Variants in BRINP1 observed in about 807,000 individuals in gnomAD.
The protein encoded by BRINP1 is BMP/retinoic acid-inducible neural-specific protein 1.
BRINP1 carries 17 observed loss-of-function variants against 72.9 expected under a neutral mutation model. The ratio of observed to expected loss-of-function variants is 0.23; its 90% CI spans 0.16 to 0.35. The LOEUF (loss-of-function observed/expected upper bound fraction) is 0.35, where lower values mean the gene tolerates loss of function less well. BRINP1 is among the 10% of genes least tolerant of loss of function. BRINP1 has a pLI of 1.00. For missense variants in BRINP1, 850 were observed against 1,001.6 expected (o/e 0.85, Z 2.04); for synonymous variants, 418 against 378.5 (o/e 1.10, Z -1.21).
chr9:119,299,231 A>T (rs1032969460), intron 2 of BRINP1, among the ~76,000 whole-genome samples: 1 of 152,022 alleles, frequency 6.6e-6, no homozygotes, highest in African/African-American at 2.4e-5. Context: ...CATCTTTCCA[A>T]TTCCCCCACT....
chr9:119,341,289 A>G (rs1386758036), intron 1 of BRINP1, among the ~76,000 whole-genome samples: 1 of 152,202 alleles, frequency 6.6e-6, no homozygotes, highest in African/African-American at 2.4e-5. Context: ...TTCATAACGT[A>G]ACTTTAACCC....
chr9:119,346,007 G>A (rs118075049), intron 1 of BRINP1, among the ~76,000 whole-genome samples: 3 of 152,274 alleles, frequency 2.0e-5, no homozygotes, highest in Non-Finnish European at 2.9e-5. Context: ...AGGCAGTCTA[G>A]TTCCAGAACC....
At chr9:119,182,133 C>T (rs1829564427) in intron 7 of BRINP1, among the ~76,000 whole-genome samples, 1 of 152,170 alleles carries the variant, frequency 6.6e-6, no homozygotes. Context: ...CAAAATAAAT[C>T]TTGACACTTA....
Position 119,365,089 on chromosome 9 carries a change from C to T in BRINP1, c.-51+3967G>A, listed in dbSNP as rs1276358952. Among the ~76,000 whole-genome samples the T allele has an allele frequency of 2.6e-5, 4 of 152,106 alleles. No individual in the cohort carries two copies. The East Asian group carries it at 5.8e-4, about 22-fold the overall frequency. ...AAGAGGGTAAGATAGACCTATACCC[C>T]CAGCGCTATAAAGCAGGGCAAACAG... On this transcript the variant is annotated intron_variant, in intron 1 of 7. Transcript: ENST00000265922.
chr9:119,290,279 G>T (rs1404467469), intron 2 of BRINP1, among the ~76,000 whole-genome samples: 1 of 152,144 alleles, frequency 6.6e-6, no homozygotes, highest in South Asian at 2.1e-4. Flanking sequence ...CCTTTCACAG[G>T]CTCAGAGCAG....
At chr9:119,346,297 C>T (rs527985867) in intron 1 of BRINP1, among the ~76,000 whole-genome samples, 43 of 152,286 alleles carry the variant, frequency 2.8e-4, no homozygotes, top group African/African-American at 9.9e-4. Context: ...CAGACTTACT[C>T]TGTTTGATCC....
intron 2 of BRINP1, among the ~76,000 whole-genome samples, chr9:119,253,485 T>A (rs1035789040): frequency 6.6e-6 from 1 of 152,164 alleles, no homozygotes; most frequent in African/African-American, 2.4e-5. Flanking sequence ...GCCATTTTGT[T>A]AAGTGAAATA....
At chr9:119,193,130 A>G (rs1157209741) in intron 7 of BRINP1, among the ~76,000 whole-genome samples, 1 of 152,080 alleles carries the variant, frequency 6.6e-6, no homozygotes, top group African/African-American at 2.4e-5. Context: ...TTATTATTGC[A>G]TTGTTATTTT....
intron 1 of BRINP1, among the ~76,000 whole-genome samples, chr9:119,342,342 T>C (rs1831414075): frequency 6.6e-6 from 1 of 152,154 alleles, no homozygotes; most frequent in Non-Finnish European, 1.5e-5. Flanking sequence ...GAAAAGACAA[T>C]AGAAACTGTT....
intron 2 of BRINP1, among the ~76,000 whole-genome samples, chr9:119,263,601 C>CTTTTTTTTTTTTTTTTTTTT (rs386416080): frequency 1.3e-5 from 1 of 78,560 alleles, no homozygotes; most frequent in East Asian, 4.5e-4. Flanking sequence ...GTAAACAATT[C>CTTTTTTTTTTTTTTTTTTTT]TTTTTTTTTT....
chr9:119,169,039 T>C (rs902419299), intron 7 of BRINP1, among the ~76,000 whole-genome samples: 6 of 152,210 alleles, frequency 3.9e-5, no homozygotes, highest in African/African-American at 7.2e-5. Flanking sequence ...ACGATGTTTA[T>C]TGCAGCCCTG....
At chr9:119,218,826 T>G (rs1830008911) in intron 5 of BRINP1, among the ~76,000 whole-genome samples, 1 of 150,962 alleles carries the variant, frequency 6.6e-6, no homozygotes, top group Admixed American at 6.6e-5. Context: ...GGCATAAACT[T>G]AAGCCACAAC....
At chr9:119,333,099 C>A (rs964698974) in intron 1 of BRINP1, among the ~76,000 whole-genome samples, 65 of 151,606 alleles carry the variant, frequency 4.3e-4, no homozygotes, top group African/African-American at 1.6e-3. Flanking sequence ...GGGTTGAGGA[C>A]TCTGGTCCCC....
At chr9:119,355,678 G>A (rs974791952) in intron 1 of BRINP1, among the ~76,000 whole-genome samples, 1 of 149,412 alleles carries the variant, frequency 6.7e-6, no homozygotes, top group African/African-American at 2.5e-5. Flanking sequence ...GCAGTGAGCT[G>A]AGATCGCACC....
Position 119,369,241 on chromosome 9 carries a change from C to T in BRINP1, c.-236G>A. ...AGCCGTAAAGTCCCCTTCGCTGGTC[C>T]CGAGGACAGGCATGAATCCCGGCTC... On this transcript the variant is annotated 5_prime_UTR_variant, in exon 1 of 8. Transcript: ENST00000265922. 7.5e-6 allele frequency: 3 copies of T among 398,702 alleles called. No individual in the cohort carries two copies. The highest frequency in any genetic ancestry group is 1.3e-5 in the Non-Finnish European group (3 of 226,122). 24.7% of individuals were successfully genotyped at this position (398,702 alleles called of 1,614,324 possible).
intron 2 of BRINP1, among the ~76,000 whole-genome samples, chr9:119,260,241 C>T (rs939627830): frequency 3.3e-5 from 5 of 152,294 alleles, no homozygotes; most frequent in Admixed American, 2.6e-4. Context: ...CCAAATGTGT[C>T]CCACTGTCCA....
intron 7 of BRINP1, among the ~76,000 whole-genome samples, chr9:119,168,842 G>A (rs775428848): frequency 2.0e-5 from 3 of 152,166 alleles, no homozygotes; most frequent in Admixed American, 6.5e-5. Flanking sequence ...ACAGATGATG[G>A]AGAAGGTGTG....
chr9:119,253,895 C>T (rs1240341678), intron 2 of BRINP1, among the ~76,000 whole-genome samples: 1 of 152,174 alleles, frequency 6.6e-6, no homozygotes, highest in East Asian at 1.9e-4. Flanking sequence ...TCTGTTCTCA[C>T]TGGCCAACAA....
At chr9:119,272,110 A>G (rs1389592474) in intron 2 of BRINP1, among the ~76,000 whole-genome samples, 1 of 128,696 alleles carries the variant, frequency 7.8e-6, no homozygotes, top group Admixed American at 8.0e-5. Context: ...AAAAAAAAAC[A>G]GCCTGTCACT....
Sources: gnomAD v4.1 joint callset for allele counts (sites outside exome capture counted in the v4.1 genomes callset) on GRCh38, gnomAD v4.1.1 for gene constraint, MANE v1.5 for transcripts, NCBI Gene and HGNC (gene_info 2026-07-23, HGNC 2026-07-21) for gene names.